The following ATP6V0E1 variants were observed in gnomAD, a reference collection of about 807,000 sequenced individuals.
The protein encoded by ATP6V0E1 is ATPase H+ transporting V0 subunit e1.
A neutral mutation model predicts 11.6 loss-of-function variants in ATP6V0E1; 4 were observed. The ratio of observed to expected loss-of-function variants is 0.35; its 90% confidence interval spans 0.17 to 0.79. The LOEUF (loss-of-function observed/expected upper bound fraction) is 0.79. Among genes scored for constraint, ATP6V0E1 ranks in the 30% least tolerant of loss-of-function variants. ATP6V0E1 has a pLI of 0.54. For synonymous variants in ATP6V0E1, 36 were observed against 34.8 expected, an observed-to-expected ratio of 1.04 and a Z score of -0.13; for missense variants, 105 against 100.0, an observed-to-expected ratio of 1.05 and a Z score of -0.21.
At chr5:173,008,402 G>C (rs1489051519) in intron 2 of ATP6V0E1, among the ~76,000 whole-genome samples, 2 of 149,488 alleles carry the variant, frequency 1.3e-5, no homozygotes, top group Non-Finnish European at 3.0e-5. Context: ...CTGGGTTCAA[G>C]CAAGTCTTCT....
chr5:173,003,777 T>G (rs1398788819), intron 2 of ATP6V0E1, among the ~76,000 whole-genome samples: 1 of 152,134 alleles, frequency 6.6e-6, no homozygotes, highest in African/African-American at 2.4e-5. Context: ...GAAGAGAGAT[T>G]CAACTGGTAC....
chr5:172,998,588 C>G (rs904929339), intron 2 of ATP6V0E1, among the ~76,000 whole-genome samples: 4 of 139,864 alleles, frequency 2.9e-5, no homozygotes, highest in Non-Finnish European at 6.1e-5. Context: ...CCAGCCTAGG[C>G]ATCAGAGTGA....
At chr5:173,017,405 G>A (rs990409528) in intron 2 of ATP6V0E1, among the ~76,000 whole-genome samples, 1 of 151,814 alleles carries the variant, frequency 6.6e-6, no homozygotes, top group African/African-American at 2.4e-5. Flanking sequence ...GTGGTGGCAG[G>A]CGCCTGTAAT....
chr5:172,995,544 T>C (rs1252459961), intron 2 of ATP6V0E1, among the ~76,000 whole-genome samples: 1 of 152,226 alleles, frequency 6.6e-6, no homozygotes, highest in African/African-American at 2.4e-5. Flanking sequence ...CTAAGGATAA[T>C]TTTTTAACAA....
At chr5:173,023,911 C>T (rs1756518898) in intron 3 of ATP6V0E1, among the ~76,000 whole-genome samples, 1 of 151,762 alleles carries the variant, frequency 6.6e-6, no homozygotes, top group Non-Finnish European at 1.5e-5. Flanking sequence ...AAATATAGAT[C>T]ATGGGGCCGG....
rs1455373728 is a variant in ATP6V0E1 at position 173,034,635 on chromosome 5, T to G, written c.*273T>G. ...TTATGTACTCTTCTGAGATAGAAGATGCTGTTCTTCTGAGAGATACGTTAC... is the reference window on the plus strand; with the variant it reads ...TTATGTACTCTTCTGAGATAGAAGAGGCTGTTCTTCTGAGAGATACGTTAC... On this transcript the variant is annotated 3_prime_UTR_variant, in exon 4 of 4. Coordinates refer to ENST00000519374, the MANE Select transcript of ATP6V0E1 (RefSeq NM_003945.4). 7.1e-6 allele frequency: 4 copies of G among 564,750 alleles called. No homozygotes were observed. In the East Asian group the frequency reaches 1.1e-4, roughly 16 times the overall value. 35.0% of individuals were successfully genotyped at this position (564,750 alleles called of 1,614,324 possible).
chr5:172,985,455 C>T (rs1457331456), intron 1 of ATP6V0E1, among the ~76,000 whole-genome samples: 2 of 152,052 alleles, frequency 1.3e-5, no homozygotes, highest in South Asian at 2.1e-4. Context: ...TCTCTCCTAC[C>T]TATAGAGGTT....
At chr5:173,011,487 T>G (rs1367606402) in intron 2 of ATP6V0E1, among the ~76,000 whole-genome samples, 1 of 152,146 alleles carries the variant, frequency 6.6e-6, no homozygotes, top group Non-Finnish European at 1.5e-5. Flanking sequence ...CCTGGCCTGT[T>G]TCATCCTTAA....
At chr5:173,022,644 C>T (rs1047940418) in intron 3 of ATP6V0E1, among the ~76,000 whole-genome samples, 31 of 151,766 alleles carry the variant, frequency 2.0e-4, no homozygotes, top group Non-Finnish European at 7.4e-5. Context: ...CATACCCTAA[C>T]TTTTTTGTTT....
intron 2 of ATP6V0E1, among the ~76,000 whole-genome samples, chr5:173,009,705 C>G (rs1398273008): frequency 6.6e-6 from 1 of 151,376 alleles, no homozygotes; most frequent in Non-Finnish European, 1.5e-5. Context: ...CTCTGGTGAT[C>G]CACCCACCTT....
intron 2 of ATP6V0E1, among the ~76,000 whole-genome samples, chr5:173,007,090 G>A (rs1756241206): frequency 6.6e-6 from 1 of 152,192 alleles, no homozygotes; most frequent in African/African-American, 2.4e-5. Flanking sequence ...TATTCCTTTG[G>A]TAGTGAAATA....
intron 2 of ATP6V0E1, among the ~76,000 whole-genome samples, chr5:173,000,967 C>G (rs1180431204): frequency 6.6e-6 from 1 of 152,114 alleles, no homozygotes; most frequent in East Asian, 1.9e-4. Context: ...TCCCAAAGTG[C>G]TGGGATTACA....
chr5:173,015,268 T>C (rs1412370128), intron 2 of ATP6V0E1, among the ~76,000 whole-genome samples: 2 of 152,224 alleles, frequency 1.3e-5, no homozygotes, highest in Non-Finnish European at 2.9e-5. Context: ...AAGAATTAAA[T>C]GAAAGGTTAT....
intron 3 of ATP6V0E1, among the ~76,000 whole-genome samples, chr5:173,025,051 C>T (rs1756535424): frequency 6.6e-6 from 1 of 151,162 alleles, no homozygotes. Flanking sequence ...CCATGTTGGT[C>T]AGGCTGGTCT....
chr5:173,008,382 G>A (rs542847988), intron 2 of ATP6V0E1, among the ~76,000 whole-genome samples: 4 of 145,946 alleles, frequency 2.7e-5, no homozygotes, highest in East Asian at 2.1e-4. Flanking sequence ...TCACTGCAAC[G>A]CTCCGCCTCC....
chr5:172,998,379 G>A (rs549263902), intron 2 of ATP6V0E1, among the ~76,000 whole-genome samples: 1 of 151,612 alleles, frequency 6.6e-6, no homozygotes, highest in Non-Finnish European at 1.5e-5. Flanking sequence ...GGCCAAGGCG[G>A]GAAGATCACC....
At chr5:172,986,811 C>T in intron 1 of ATP6V0E1, 1 of 425,356 alleles carries the variant, frequency 2.4e-6, no homozygotes, top group Non-Finnish European at 4.7e-6. Flanking sequence ...GTTTTTGAGA[C>T]AGAGTCTCAC....
chr5:173,022,212 T>A (rs1046842609), intron 3 of ATP6V0E1, among the ~76,000 whole-genome samples: 5 of 152,216 alleles, frequency 3.3e-5, no homozygotes, highest in Non-Finnish European at 7.3e-5. Context: ...ATGCCTTGAC[T>A]AGATTTAGGT....
At chr5:173,021,995 A>G (rs1240144820) in intron 3 of ATP6V0E1, among the ~76,000 whole-genome samples, 1 of 152,212 alleles carries the variant, frequency 6.6e-6, no homozygotes, top group Non-Finnish European at 1.5e-5. Flanking sequence ...AGATCGCGCC[A>G]CTGCACTCCA....
Sources: allele counts gnomAD v4.1 joint callset (sites outside exome capture counted in the v4.1 genomes callset), GRCh38; gene constraint gnomAD v4.1.1; transcripts MANE v1.5; gene names NCBI Gene and HGNC (gene_info 2026-07-23, HGNC 2026-07-21).